Variants in CDH18 observed in about 807,000 individuals in gnomAD.
The protein encoded by CDH18 is cadherin 18, also known as cadherin-18.
CDH18 carries 31 observed loss-of-function variants against 67.9 expected under a neutral mutation model. That is an observed-to-expected ratio of 0.46 (90% confidence interval 0.34 to 0.62). The LOEUF (loss-of-function observed/expected upper bound fraction) is 0.62. CDH18 is among the 20% of genes least tolerant of loss of function. The pLI, the probability that CDH18 is intolerant of heterozygous loss-of-function variation, is 0.01. For synonymous variants in CDH18, 362 were observed against 347.2 expected, an observed-to-expected ratio of 1.04 and a Z score of -0.48; for missense variants, 890 against 975.5, an observed-to-expected ratio of 0.91 and a Z score of 1.17.
At chr5:20,002,159 T>A (rs867177611) in intron 2 of CDH18, among the ~76,000 whole-genome samples, 22 of 152,232 alleles carry the variant, frequency 1.4e-4, no homozygotes, top group African/African-American at 5.1e-4. Flanking sequence ...ATTTCTACTA[T>A]GTTTTGAATT....
chr5:19,658,648 CTTT>C (rs1048026712), intron 5 of CDH18, among the ~76,000 whole-genome samples: 3 of 151,340 alleles, frequency 2.0e-5, no homozygotes, highest in African/African-American at 4.8e-5. Flanking sequence ...TTTTAAACTT[CTTT>C]TTTTCTTTTT....
chr5:19,501,728 G>C (rs915957233), intron 11 of CDH18, among the ~76,000 whole-genome samples: 2 of 151,986 alleles, frequency 1.3e-5, no homozygotes, highest in African/African-American at 4.8e-5. Flanking sequence ...TGAAACATAA[G>C]TACATGGATC....
intron 2 of CDH18, among the ~76,000 whole-genome samples, chr5:20,243,333 G>A (rs1306770845): frequency 7.2e-5 from 11 of 152,088 alleles, no homozygotes; most frequent in African/African-American, 2.7e-4. Flanking sequence ...CTACATAAAG[G>A]ATTATTAGTG....
rs185383475 is a variant in CDH18, at chr5:20,059,062, G to T, written c.-517-67048C>A. 1.2e-3 allele frequency among the ~76,000 whole-genome samples: 182 copies of T among 152,264 alleles called. 1 individual carries two copies. The highest frequency in any genetic ancestry group is 4.2e-3 in the African/African-American group (175 of 41,552). On this transcript the variant is annotated intron_variant, in intron 2 of 14. Transcript: ENST00000507958. ...TTCTTCCTGGTTTAGTCTTGGGAGG[G>T]TGTATGCGTCCAGGAATTTATCCAT... is the stretch of plus-strand genomic sequence containing the variant.
intron 1 of CDH18, among the ~76,000 whole-genome samples, chr5:20,409,846 C>G (rs539805040): frequency 6.6e-6 from 1 of 151,580 alleles, no homozygotes; most frequent in African/African-American, 2.4e-5. Flanking sequence ...AAGGATTATA[C>G]AAATTACTAT....
At chr5:20,162,165 TG>T (rs1424393328) in intron 2 of CDH18, among the ~76,000 whole-genome samples, 1 of 152,026 alleles carries the variant, frequency 6.6e-6, no homozygotes, top group Non-Finnish European at 1.5e-5. Context: ...GGCTTTGTTT[TG>T]TAATGTCCTC....
At chr5:19,952,024 T>C (rs1232297482) in intron 2 of CDH18, among the ~76,000 whole-genome samples, 1 of 152,114 alleles carries the variant, frequency 6.6e-6, no homozygotes, top group Non-Finnish European at 1.5e-5. Flanking sequence ...GTAATTATCC[T>C]AATTATACTT....
chr5:19,879,567 A>AT (rs1787394997), intron 2 of CDH18, among the ~76,000 whole-genome samples: 2 of 152,148 alleles, frequency 1.3e-5, no homozygotes, highest in Admixed American at 1.3e-4. Context: ...ACGGATTGGT[A>AT]TAAGTATACC....
At chr5:20,070,583 C>T (rs899054234) in intron 2 of CDH18, among the ~76,000 whole-genome samples, 2 of 152,004 alleles carry the variant, frequency 1.3e-5, no homozygotes, top group Admixed American at 6.6e-5. Context: ...GTGCTATTGC[C>T]AAATTATTTG....
At chr5:20,323,671 T>C (rs1347231525) in intron 1 of CDH18, among the ~76,000 whole-genome samples, 4 of 152,232 alleles carry the variant, frequency 2.6e-5, no homozygotes, top group Non-Finnish European at 5.9e-5. Context: ...CAAATTCCAG[T>C]AAAAATTGTG....
Position 20,242,769 on chromosome 5 carries a change from T to G in CDH18, c.-518+12675A>C, listed in dbSNP as rs374470253. 5.4e-4 allele frequency among the ~76,000 whole-genome samples: 81 copies of G among 151,340 alleles called. No homozygotes were observed. The South Asian group carries it at 0.015, about 28-fold the overall frequency. On this transcript the variant is annotated intron_variant, in intron 2 of 14. Transcript: ENST00000507958. Reference sequence around the variant, plus strand: ...CCATTTTTTAATTAGAAAAATCCACTGAAGCTGCGTAGACAGCAAAACATG... The same window carrying G: ...CCATTTTTTAATTAGAAAAATCCACGGAAGCTGCGTAGACAGCAAAACATG...
intron 1 of CDH18, chr5:20,305,509 C>G (rs1736344425): frequency 2.0e-6 from 2 of 1,006,048 alleles, no homozygotes; most frequent in East Asian, 4.8e-5. Flanking sequence ...CCGCGAAACC[C>G]GGGGCGCAGC....
chr5:19,699,021 AC>A (rs1336994061), intron 5 of CDH18, among the ~76,000 whole-genome samples: 3 of 152,120 alleles, frequency 2.0e-5, no homozygotes, highest in Admixed American at 6.6e-5. Flanking sequence ...CACTAGCTTA[AC>A]CCTAATCAGC....
intron 1 of CDH18, among the ~76,000 whole-genome samples, chr5:20,463,974 A>T (rs773326734): frequency 2.0e-5 from 3 of 152,126 alleles, no homozygotes; most frequent in Non-Finnish European, 4.4e-5. Context: ...CAATATTCTG[A>T]TGGTATCATG....
At chr5:20,327,718 C>G (rs1392104340) in intron 1 of CDH18, among the ~76,000 whole-genome samples, 1 of 151,906 alleles carries the variant, frequency 6.6e-6, no homozygotes, top group Non-Finnish European at 1.5e-5. Flanking sequence ...TAAGGTATCC[C>G]TGGGACTTAG....
intron 4 of CDH18, among the ~76,000 whole-genome samples, chr5:19,725,630 G>A (rs950721497): frequency 6.6e-6 from 1 of 152,056 alleles, no homozygotes; most frequent in East Asian, 1.9e-4. Context: ...TTATCTGGAC[G>A]TGGTGGTGCA....
chr5:20,487,095 C>G (rs1753244647), intron 1 of CDH18, among the ~76,000 whole-genome samples: 2 of 152,128 alleles, frequency 1.3e-5, no homozygotes, highest in East Asian at 3.9e-4. Flanking sequence ...GGCTGCAAAG[C>G]CTGCAGTGTT....
At chr5:19,621,943 T>C (rs1459351437) in intron 5 of CDH18, among the ~76,000 whole-genome samples, 1 of 152,212 alleles carries the variant, frequency 6.6e-6, no homozygotes, top group African/African-American at 2.4e-5. Flanking sequence ...TTTCCAGAGT[T>C]GATGGAGCAT....
chr5:20,501,428 T>C (rs1561068488), intron 1 of CDH18, among the ~76,000 whole-genome samples: 2 of 127,956 alleles, frequency 1.6e-5, no homozygotes, highest in African/African-American at 2.8e-5. Flanking sequence ...ACATATTATA[T>C]ATATATTTTA....
Sources: allele counts gnomAD v4.1 joint callset (sites outside exome capture counted in the v4.1 genomes callset), GRCh38; gene constraint gnomAD v4.1.1; transcripts MANE v1.5; gene names NCBI Gene and HGNC (gene_info 2026-07-23, HGNC 2026-07-21).